Variants in STX8 observed in about 807,000 individuals in gnomAD.
STX8 encodes syntaxin-8.
In STX8, 23 loss-of-function variants were observed where a neutral mutation model predicts 37.5. The observed-to-expected ratio is 0.61, with a 90% confidence interval of 0.44 to 0.87. The LOEUF (loss-of-function observed/expected upper bound fraction) is 0.87. Ranked by LOEUF, STX8 falls within the 40% of genes least tolerant of loss-of-function variation. The probability of loss-of-function intolerance (pLI) is 0.00; values close to 1 mark genes in which losing one functional copy is unlikely to be tolerated. For synonymous variants in STX8, 115 were observed against 99.1 expected (o/e 1.16, Z -0.95); for missense variants, 313 against 284.7 (o/e 1.10, Z -0.71).
intron 6 of STX8, among the ~76,000 whole-genome samples, chr17:9,466,027 C>A (rs1189198705): frequency 3.3e-5 from 5 of 151,642 alleles, no homozygotes; most frequent in African/African-American, 4.8e-5. Context: ...CTGGAGTGCA[C>A]TGGCGCAATC....
At chr17:9,346,577 T>TG (rs1196911286) in intron 7 of STX8, among the ~76,000 whole-genome samples, 2 of 152,174 alleles carry the variant, frequency 1.3e-5, no homozygotes, top group East Asian at 1.9e-4. Context: ...CAACACTCAA[T>TG]GGGGGGCCCC....
chr17:9,314,423 A>C (rs904226944), intron 7 of STX8, among the ~76,000 whole-genome samples: 3 of 152,006 alleles, frequency 2.0e-5, no homozygotes, highest in African/African-American at 7.2e-5. Context: ...TTTGAGACGG[A>C]GTCTCACTCT....
intron 7 of STX8, among the ~76,000 whole-genome samples, chr17:9,294,966 G>A (rs1033191933): frequency 2.0e-5 from 3 of 152,160 alleles, no homozygotes; most frequent in African/African-American, 4.8e-5. Flanking sequence ...GCAACCCAAG[G>A]ACAGAAGCCT....
intron 4 of STX8, among the ~76,000 whole-genome samples, chr17:9,530,948 T>C (rs979160338): frequency 1.3e-5 from 2 of 152,258 alleles, no homozygotes; most frequent in African/African-American, 4.8e-5. Flanking sequence ...GGTTCAACCC[T>C]TCACATTTAG....
In STX8 at chr17:9,542,151, G is replaced by C. The variant is rs543274051; in HGVS notation, c.323+3021C>G. Among the ~76,000 whole-genome samples, 11 of 151,610 alleles carry C rather than the reference G, an allele frequency of 7.3e-5. No homozygotes were observed. In the South Asian group the frequency reaches 2.3e-3, roughly 32 times the overall value. Reference sequence around the variant, plus strand: ...AGGCAGGCAGATCACCTGAGGTCAGGAGTTCAAGACCAGCCTGGCCAACAT... The same window carrying C: ...AGGCAGGCAGATCACCTGAGGTCAGCAGTTCAAGACCAGCCTGGCCAACAT... On this transcript the variant is annotated intron_variant, in intron 4 of 7. Coordinates refer to ENST00000306357, the MANE Select transcript of STX8 (RefSeq NM_004853.3).
At chr17:9,476,030 T>A (rs1597696381) in intron 6 of STX8, among the ~76,000 whole-genome samples, 1 of 152,070 alleles carries the variant, frequency 6.6e-6, no homozygotes, top group Admixed American at 6.5e-5. Context: ...AATACAAAAA[T>A]CAGCTGGGTA....
At chr17:9,482,217 C>T (rs1413350088) in intron 6 of STX8, among the ~76,000 whole-genome samples, 1 of 152,116 alleles carries the variant, frequency 6.6e-6, no homozygotes, top group African/African-American at 2.4e-5. Flanking sequence ...CAATGTTTCT[C>T]AAACTTCAGC....
At chr17:9,453,538 G>A (rs1905105983) in intron 6 of STX8, among the ~76,000 whole-genome samples, 1 of 147,222 alleles carries the variant, frequency 6.8e-6, no homozygotes, top group Admixed American at 6.8e-5. Flanking sequence ...TGTTGCCCAG[G>A]CTGGAGTGCA....
chr17:9,274,402 C>T (rs1283420180), intron 7 of STX8, among the ~76,000 whole-genome samples: 1 of 152,026 alleles, frequency 6.6e-6, no homozygotes, highest in African/African-American at 2.4e-5. Flanking sequence ...CGGTGGCTCC[C>T]AGCACTTTGG....
chr17:9,410,658 T>C (rs1403183009), intron 6 of STX8, among the ~76,000 whole-genome samples: 3 of 152,222 alleles, frequency 2.0e-5, no homozygotes, highest in Non-Finnish European at 4.4e-5. Flanking sequence ...TTTCCAAATA[T>C]AAATTAATTA....
At chr17:9,529,913 G>C (rs1454598956) in intron 4 of STX8, among the ~76,000 whole-genome samples, 8 of 152,136 alleles carry the variant, frequency 5.3e-5, no homozygotes, top group African/African-American at 1.9e-4. Context: ...CCAGGACCTT[G>C]AGGTTACAGT....
At chr17:9,389,462 G>C (rs1023295738) in intron 6 of STX8, among the ~76,000 whole-genome samples, 2 of 152,158 alleles carry the variant, frequency 1.3e-5, no homozygotes, top group African/African-American at 2.4e-5. Flanking sequence ...CTGAGATATC[G>C]AGTGACATTC....
At chr17:9,360,268 C>G (rs987297551) in intron 7 of STX8, among the ~76,000 whole-genome samples, 10 of 109,148 alleles carry the variant, frequency 9.2e-5, no homozygotes. Context: ...GAGTCTCACT[C>G]TTGTAGCCCA....
At chr17:9,282,769 T>C (rs760063454) in intron 7 of STX8, among the ~76,000 whole-genome samples, 3 of 152,184 alleles carry the variant, frequency 2.0e-5, no homozygotes, top group Non-Finnish European at 4.4e-5. Flanking sequence ...AAGGGCAGAA[T>C]TGAGATTCTC....
At chr17:9,432,722 A>G (rs920433022) in intron 6 of STX8, among the ~76,000 whole-genome samples, 1 of 152,218 alleles carries the variant, frequency 6.6e-6, no homozygotes, top group Non-Finnish European at 1.5e-5. Flanking sequence ...TGTCTGTTTC[A>G]GAGCTAGCAG....
At chr17:9,309,284 T>A (rs547530315) in intron 7 of STX8, among the ~76,000 whole-genome samples, 2 of 152,212 alleles carry the variant, frequency 1.3e-5, no homozygotes, top group Admixed American at 1.3e-4. Flanking sequence ...ACGGTACTTG[T>A]GATAAAGGGT....
At chr17:9,414,372 A>G (rs1913103354) in intron 6 of STX8, among the ~76,000 whole-genome samples, 1 of 152,038 alleles carries the variant, frequency 6.6e-6, no homozygotes, top group Non-Finnish European at 1.5e-5. Context: ...TGCAAAATAC[A>G]ACAAAAATGA....
At chr17:9,471,077 T>G (rs1437250677) in intron 6 of STX8, among the ~76,000 whole-genome samples, 2 of 111,302 alleles carry the variant, frequency 1.8e-5, no homozygotes, top group Non-Finnish European at 3.5e-5. Context: ...CTCTGTCACC[T>G]AGGCTGGAAT....
intron 7 of STX8, among the ~76,000 whole-genome samples, chr17:9,286,443 T>C (rs538029572): frequency 2.6e-5 from 4 of 152,346 alleles, no homozygotes; most frequent in South Asian, 4.1e-4. Flanking sequence ...GACGATTTTA[T>C]GCATGTGTAG....
Sources: allele counts gnomAD v4.1 joint callset (sites outside exome capture counted in the v4.1 genomes callset), GRCh38; gene constraint gnomAD v4.1.1; transcripts MANE v1.5; gene names NCBI Gene and HGNC (gene_info 2026-07-23, HGNC 2026-07-21).